The following ADGRL2 variants were observed in gnomAD, a reference collection of about 807,000 sequenced individuals.
ADGRL2 encodes the protein calcium-independent alpha-latrotoxin receptor 2.
ADGRL2 carries 44 observed loss-of-function variants against 157.4 expected under a neutral mutation model. That is an observed-to-expected ratio of 0.28 (90% CI 0.22 to 0.36). ADGRL2 has a LOEUF of 0.36. Among genes scored for constraint, ADGRL2 ranks in the 10% least tolerant of loss-of-function variants. The pLI is 1.00. For synonymous variants in ADGRL2, 585 were observed against 624.7 expected (o/e 0.94, Z 0.95); for missense variants, 1,510 against 1,768.9 (o/e 0.85, Z 2.63).
At chr1:81,461,940 G>GC (rs964213430) in intron 2 of ADGRL2, among the ~76,000 whole-genome samples, 3 of 145,092 alleles carry the variant, frequency 2.1e-5, no homozygotes, top group African/African-American at 7.5e-5. Context: ...AGGGGGGGGG[G>GC]GGTGGTGGAG....
chr1:81,931,247 G>T (rs1452144928), intron 3 of ADGRL2, among the ~76,000 whole-genome samples: 1 of 152,136 alleles, frequency 6.6e-6, no homozygotes, highest in Admixed American at 6.5e-5. Flanking sequence ...CTTTGTTGTG[G>T]TTGATGGATT....
chr1:81,943,922 C>T lies in ADGRL2; in HGVS notation c.1210+153C>T, dbSNP rs780269953. On this transcript the variant is annotated intron_variant, in intron 6 of 23. Coordinates refer to ENST00000686636, the MANE Select transcript of ADGRL2 (RefSeq NM_001366006.2). The surrounding 1 kb of genome is among the most constrained non-coding windows in gnomAD (Gnocchi z 5.6). ...GGTACATTTTAGCCTTATTATGGTT[C>T]GTTTTCTTTTTCTCAATTTCTTCAT... is the stretch of plus-strand genomic sequence containing the variant. Among the ~76,000 whole-genome samples the T allele has an allele frequency of 1.3e-5, 2 of 151,750 alleles. No individual in the cohort carries two copies. The highest frequency in any genetic ancestry group is 2.9e-5 in the Non-Finnish European group (2 of 67,906).
chr1:81,929,169 A>T (rs1015437720), intron 3 of ADGRL2, among the ~76,000 whole-genome samples: 2 of 152,160 alleles, frequency 1.3e-5, no homozygotes, highest in Non-Finnish European at 2.9e-5. Flanking sequence ...AATCTTCCTT[A>T]GAACTGTGGT....
At chr1:81,915,897 C>T (rs2094844763) in intron 3 of ADGRL2, among the ~76,000 whole-genome samples, 1 of 152,018 alleles carries the variant, frequency 6.6e-6, no homozygotes, top group Non-Finnish European at 1.5e-5. Flanking sequence ...ATTATGTATT[C>T]CACCTTTCTC....
chr1:81,875,133 T>C (rs2093804329), intron 2 of ADGRL2, among the ~76,000 whole-genome samples: 3 of 152,270 alleles, frequency 2.0e-5, no homozygotes, highest in Admixed American at 6.5e-5. Context: ...CAAGTGACCT[T>C]GTCAAACAAA....
At chr1:81,983,104 T>G (rs1662126764) in intron 19 of ADGRL2, among the ~76,000 whole-genome samples, 1 of 151,984 alleles carries the variant, frequency 6.6e-6, no homozygotes, top group Non-Finnish European at 1.5e-5. Flanking sequence ...GCCAAACATC[T>G]TTGACACAAA....
chr1:81,917,973 A>G (rs1258636824), intron 3 of ADGRL2, among the ~76,000 whole-genome samples: 2 of 152,224 alleles, frequency 1.3e-5, no homozygotes, highest in African/African-American at 2.4e-5. Context: ...CAGAAATACA[A>G]TATTTAAACA....
chr1:81,787,720 G>C (rs1242180571), intron 2 of ADGRL2, among the ~76,000 whole-genome samples: 1 of 151,876 alleles, frequency 6.6e-6, no homozygotes, highest in South Asian at 2.1e-4. Context: ...GTGACAGGTG[G>C]GGAGAAAAAA....
At chr1:81,422,373 G>A (rs1259301799) in intron 1 of ADGRL2, among the ~76,000 whole-genome samples, 1 of 152,032 alleles carries the variant, frequency 6.6e-6, no homozygotes, top group African/African-American at 2.4e-5. Flanking sequence ...GCCTCCCAAG[G>A]AGCTGGGATT....
At chr1:81,718,780 G>C (rs1482635052) in intron 1 of ADGRL2, among the ~76,000 whole-genome samples, 1 of 152,152 alleles carries the variant, frequency 6.6e-6, no homozygotes, top group Non-Finnish European at 1.5e-5. Flanking sequence ...AGAAAAGTGT[G>C]AATTTGAGCT....
chr1:81,698,987 G>A (rs948316323), upstream of ADGRL2, among the ~76,000 whole-genome samples: 2 of 152,066 alleles, frequency 1.3e-5, no homozygotes, highest in Non-Finnish European at 2.9e-5. Flanking sequence ...TTTACAGAAA[G>A]CTTCTCCTAT....
intron 2 of ADGRL2, among the ~76,000 whole-genome samples, chr1:81,527,711 CA>C (rs563803245): frequency 2.8e-4 from 39 of 140,960 alleles, no homozygotes; most frequent in Admixed American, 2.1e-4. Flanking sequence ...AACTCTGCCT[CA>C]AAAAAAAAAA....
chr1:81,900,892 AT>A (rs1490719985), intron 2 of ADGRL2, among the ~76,000 whole-genome samples: 1 of 152,268 alleles, frequency 6.6e-6, no homozygotes, highest in East Asian at 1.9e-4. Context: ...CAGAGGTGAT[AT>A]CTAGGAGCCG....
At chr1:81,501,799 G>GCAA in intron 2 of ADGRL2, 1 of 1,605,716 alleles carries the variant, frequency 6.2e-7, no homozygotes. Flanking sequence ...AGCAGCAGCA[G>GCAA]CAGCAGCAGC....
chr1:81,616,679 C>CTTTTTTTTTTTTTTTTTTTTTTTTTTTTT (rs1164087131), intron 3 of ADGRL2, among the ~76,000 whole-genome samples: 3 of 105,988 alleles, frequency 2.8e-5, no homozygotes, highest in Non-Finnish European at 5.5e-5. Context: ...CTTTTCTTTT[C>CTTTTTTTTTTTTTTTTTTTTTTTTTTTTT]TTTTTTTTTT....
At chr1:81,600,878 T>C (rs575295714) in intron 3 of ADGRL2, among the ~76,000 whole-genome samples, 12 of 152,302 alleles carry the variant, frequency 7.9e-5, no homozygotes, top group Admixed American at 2.0e-4. Flanking sequence ...AATAATGAAG[T>C]TAATATTTAT....
At chr1:81,352,952 A>T (rs2100845983) in intron 1 of ADGRL2, among the ~76,000 whole-genome samples, 1 of 152,294 alleles carries the variant, frequency 6.6e-6, no homozygotes, top group Middle Eastern at 3.4e-3. Flanking sequence ...TTTTTTAAAT[A>T]TTCAAAGAGA....
At chr1:81,783,385 C>T (rs1215729951) in intron 2 of ADGRL2, among the ~76,000 whole-genome samples, 1 of 152,082 alleles carries the variant, frequency 6.6e-6, no homozygotes, top group Admixed American at 6.5e-5. Flanking sequence ...CCATCTCGGC[C>T]TCTCTAACTG....
chr1:81,400,573 A>G (rs1017435280), intron 1 of ADGRL2, among the ~76,000 whole-genome samples: 14 of 152,102 alleles, frequency 9.2e-5, no homozygotes, highest in Non-Finnish European at 4.4e-5. Flanking sequence ...AACCTGAGCC[A>G]ATAAGTCTCA....
Sources: allele counts gnomAD v4.1 joint callset (sites outside exome capture counted in the v4.1 genomes callset), GRCh38; gene constraint gnomAD v4.1.1; non-coding constraint Gnocchi (gnomAD v3.1); transcripts MANE v1.5; gene names NCBI Gene and HGNC (gene_info 2026-07-23, HGNC 2026-07-21).